Variants in ANTXR1 observed in about 807,000 individuals in gnomAD.
The protein encoded by ANTXR1 is ANTXR cell adhesion molecule 1.
ANTXR1 carries 19 observed loss-of-function variants against 78.1 expected under a neutral mutation model. That is an observed-to-expected ratio of 0.24 (90% CI 0.17 to 0.36). The LOEUF (loss-of-function observed/expected upper bound fraction) is 0.36. Ranked by LOEUF, ANTXR1 falls within the 10% of genes least tolerant of loss-of-function variation. The pLI, the probability that ANTXR1 is intolerant of heterozygous loss-of-function variation, is 1.00. For synonymous variants in ANTXR1, 273 were observed against 260.5 expected (o/e 1.05, Z -0.46); for missense variants, 518 against 718.6 (o/e 0.72, Z 3.19).
chr2:69,245,561 G>A lies in ANTXR1; in HGVS notation c.*76G>A, dbSNP rs566710460. On this transcript the variant is annotated 3_prime_UTR_variant, in exon 18 of 18. Coordinates refer to ENST00000303714, the MANE Select transcript of ANTXR1 (RefSeq NM_032208.3). ...AACAAGTCTTTCCAGTTAGAGAAGA[G>A]GAGTGGTGATAAAGCCCACTGACCT... 2 of 1,585,042 alleles carry A rather than the reference G, an allele frequency of 1.3e-6. No individual in the cohort carries two copies. The highest frequency in any genetic ancestry group is 1.7e-6 in the Non-Finnish European group (2 of 1,169,092).
intron 1 of ANTXR1, among the ~76,000 whole-genome samples, chr2:69,014,895 T>C (rs532589789): frequency 6.6e-6 from 1 of 152,306 alleles, no homozygotes; most frequent in South Asian, 2.1e-4. Context: ...TGCAGATTTA[T>C]GAGAAGGTGG....
At chr2:69,241,072 T>G (rs1347623251) in intron 17 of ANTXR1, among the ~76,000 whole-genome samples, 2 of 152,196 alleles carry the variant, frequency 1.3e-5, no homozygotes, top group Admixed American at 6.5e-5. Context: ...TGGCATTCAT[T>G]CCTGTAAATG....
intron 15 of ANTXR1, 183 bp downstream of exon 15, chr2:69,182,064 G>T: frequency 1.5e-6 from 1 of 648,884 alleles, no homozygotes; most frequent in Non-Finnish European, 2.8e-6. Context: ...CTTGAGGTCT[G>T]GTGGGGATAT....
chr2:69,145,867 A>G, intron 12 of ANTXR1: 1 of 986,168 alleles, frequency 1.0e-6, no homozygotes, highest in Non-Finnish European at 1.2e-6. Flanking sequence ...GCCCCATGCC[A>G]TGCATTAAAA....
chr2:69,074,838 G>T (rs962521583), intron 6 of ANTXR1, among the ~76,000 whole-genome samples: 1 of 152,190 alleles, frequency 6.6e-6, no homozygotes, highest in Admixed American at 6.5e-5. Context: ...CCCACTGTAA[G>T]TGCCAAGGAT....
At chr2:69,164,120 T>C (rs1191760866) in intron 13 of ANTXR1, among the ~76,000 whole-genome samples, 1 of 152,186 alleles carries the variant, frequency 6.6e-6, no homozygotes, top group Non-Finnish European at 1.5e-5. Flanking sequence ...GATACAAAAC[T>C]GGAAAATGGA....
chr2:69,023,340 TA>T (rs1378478927), intron 1 of ANTXR1, among the ~76,000 whole-genome samples: 1 of 152,044 alleles, frequency 6.6e-6, no homozygotes, highest in Non-Finnish European at 1.5e-5. Context: ...GTGACAGTGA[TA>T]GTGGTGATTA....
At chr2:69,051,610 T>C (rs1451039711) in intron 3 of ANTXR1, among the ~76,000 whole-genome samples, 1 of 152,098 alleles carries the variant, frequency 6.6e-6, no homozygotes, top group South Asian at 2.1e-4. Context: ...TTTTATTTAG[T>C]ATCCATGGAT....
intron 17 of ANTXR1, among the ~76,000 whole-genome samples, chr2:69,222,101 C>T (rs1675334258): frequency 6.6e-6 from 1 of 152,192 alleles, no homozygotes; most frequent in East Asian, 1.9e-4. Flanking sequence ...ACATCCAACA[C>T]CACCATCACT....
chr2:69,042,502 G>A (rs919400023), intron 2 of ANTXR1, among the ~76,000 whole-genome samples: 1 of 152,052 alleles, frequency 6.6e-6, no homozygotes, highest in Non-Finnish European at 1.5e-5. Context: ...CTTTGTTTCT[G>A]TCTTGTATTT....
At chr2:69,149,072 T>C (rs1000147298) in intron 12 of ANTXR1, among the ~76,000 whole-genome samples, 2 of 152,242 alleles carry the variant, frequency 1.3e-5, no homozygotes, top group Non-Finnish European at 2.9e-5. Flanking sequence ...TCTTTTAAAC[T>C]GGATATCCAG....
chr2:69,239,255 A>G (rs930511146), intron 17 of ANTXR1, among the ~76,000 whole-genome samples: 3 of 152,202 alleles, frequency 2.0e-5, no homozygotes, highest in Admixed American at 6.5e-5. Context: ...TATCCAAGGA[A>G]AAGGTTTCAA....
chr2:69,055,641 C>A (rs557861851), intron 3 of ANTXR1, among the ~76,000 whole-genome samples: 6 of 152,072 alleles, frequency 3.9e-5, no homozygotes, highest in South Asian at 2.1e-4. Flanking sequence ...CTTTTAAGTT[C>A]TTTTATCTTA....
intron 13 of ANTXR1, among the ~76,000 whole-genome samples, chr2:69,165,844 A>G (rs1198784173): frequency 1.3e-5 from 2 of 152,250 alleles, no homozygotes; most frequent in Admixed American, 6.5e-5. Context: ...TCAAACTTCA[A>G]TACTGCTAGA....
At chr2:69,074,176 G>A (rs13427290) in intron 6 of ANTXR1, among the ~76,000 whole-genome samples, 17,973 of 152,040 alleles carry the variant, frequency 0.12, 1,199 homozygotes, top group East Asian at 0.22. Flanking sequence ...AAATTATGTA[G>A]GTAAACTCTC....
chr2:69,141,145 CAG>C (rs1673057383), intron 12 of ANTXR1, among the ~76,000 whole-genome samples: 3 of 152,174 alleles, frequency 2.0e-5, no homozygotes. Flanking sequence ...TAGCTCTAGT[CAG>C]AGTTTGTACA....
rs76277588 is a variant in ANTXR1, at chr2:69,040,878, A to G, written c.224+763A>G. On this transcript the variant is annotated intron_variant, in intron 2 of 17. Coordinates refer to ENST00000303714, the MANE Select transcript of ANTXR1 (RefSeq NM_032208.3). ...GCTCCACTTCATGCTGATGGCCTCC[A>G]TAGAGTCTTCCGGTTGATAGGAGTG... 8.3e-3 allele frequency among the ~76,000 whole-genome samples: 1,263 copies of G among 152,290 alleles called. 19 individuals are homozygous for G. The highest frequency in any genetic ancestry group is 0.029 in the African/African-American group (1,185 of 41,558).
intron 12 of ANTXR1, among the ~76,000 whole-genome samples, chr2:69,142,746 GAGA>G (rs1240711797): frequency 6.6e-6 from 1 of 151,756 alleles, no homozygotes; most frequent in Non-Finnish European, 1.5e-5. Flanking sequence ...GTGTCTCAGG[GAGA>G]AGAAGACCGT....
intron 3 of ANTXR1, among the ~76,000 whole-genome samples, chr2:69,059,541 C>T (rs186611897): frequency 7.2e-5 from 11 of 151,934 alleles, no homozygotes; most frequent in Admixed American, 3.9e-4. Flanking sequence ...TGCAATGGCA[C>T]GATCTTGGCT....
Sources: allele counts gnomAD v4.1 joint callset (sites outside exome capture counted in the v4.1 genomes callset), GRCh38; gene constraint gnomAD v4.1.1; transcripts MANE v1.5; gene names NCBI Gene and HGNC (gene_info 2026-07-23, HGNC 2026-07-21).